NKAIN2: variants seen among roughly 807,000 people sequenced by gnomAD.
NKAIN2 encodes sodium/potassium transporting ATPase interacting 2.
Under a neutral mutation model 32.6 loss-of-function variants are expected in NKAIN2, and 14 were observed. That is an observed-to-expected ratio of 0.43 (90% confidence interval 0.28 to 0.67). The LOEUF is 0.67. Ranked by LOEUF, NKAIN2 falls within the 30% of genes least tolerant of loss-of-function variation. The pLI is 0.17. For synonymous variants in NKAIN2, 80 were observed against 87.2 expected (o/e 0.92, Z 0.46); for missense variants, 198 against 258.3 (o/e 0.77, Z 1.60).
intron 1 of NKAIN2, among the ~76,000 whole-genome samples, chr6:124,115,431 G>A (rs1785563466): frequency 2.6e-5 from 4 of 152,010 alleles, no homozygotes; most frequent in Admixed American, 1.3e-4. Context: ...GATTATGAGC[G>A]AAGTTCAAGC....
chr6:124,081,972 G>C (rs1783986164), intron 1 of NKAIN2, among the ~76,000 whole-genome samples: 1 of 152,008 alleles, frequency 6.6e-6, no homozygotes, highest in Non-Finnish European at 1.5e-5. Flanking sequence ...TAGAACAAAG[G>C]AGTAAATTCA....
rs1034912901 is a variant in NKAIN2 at position 124,789,982 on chromosome 6, G to C, written c.475-1357G>C. Among the ~76,000 whole-genome samples, 7 of 152,060 alleles carry C rather than the reference G, an allele frequency of 4.6e-5. No homozygotes were observed. In the South Asian group the frequency reaches 1.0e-3, roughly 23 times the overall value. ...GGGGTACGCCTTCCCTCTCCTCCAG[G>C]ATCTAAAAACAAAAGCGTTTGAAGA... On this transcript the variant is annotated intron_variant, in intron 4 of 6. Coordinates refer to ENST00000368417, the MANE Select transcript of NKAIN2 (RefSeq NM_001040214.3).
At chr6:124,459,069 A>G (rs1361367179) in intron 3 of NKAIN2, among the ~76,000 whole-genome samples, 1 of 151,906 alleles carries the variant, frequency 6.6e-6, no homozygotes, top group Non-Finnish European at 1.5e-5. Flanking sequence ...ACCAAAGGCA[A>G]GTATAATGTG....
chr6:123,992,477 G>C (rs566204229), intron 1 of NKAIN2, among the ~76,000 whole-genome samples: 2 of 152,120 alleles, frequency 1.3e-5, no homozygotes, highest in Non-Finnish European at 1.5e-5. Flanking sequence ...TAGAATGAAT[G>C]GATGAAAGTA....
chr6:124,035,609 G>T (rs905339688), intron 1 of NKAIN2, among the ~76,000 whole-genome samples: 4 of 151,904 alleles, frequency 2.6e-5, no homozygotes, highest in African/African-American at 9.7e-5. Flanking sequence ...CTATGACTTG[G>T]TCTAAATAAA....
At chr6:124,191,021 A>G (rs1026447553) in intron 1 of NKAIN2, among the ~76,000 whole-genome samples, 1 of 152,152 alleles carries the variant, frequency 6.6e-6, no homozygotes, top group Non-Finnish European at 1.5e-5. Context: ...TTGATGCCTC[A>G]TCACTCAAAG....
intron 1 of NKAIN2, among the ~76,000 whole-genome samples, chr6:124,266,850 G>C (rs1349025847): frequency 6.6e-6 from 1 of 152,132 alleles, no homozygotes; most frequent in East Asian, 1.9e-4. Context: ...ATATATAGAT[G>C]CACATACACA....
At chr6:124,674,151 A>T (rs1773245010) in intron 4 of NKAIN2, among the ~76,000 whole-genome samples, 1 of 151,968 alleles carries the variant, frequency 6.6e-6, no homozygotes, top group African/African-American at 2.4e-5. Flanking sequence ...GTCAAAAATC[A>T]TTTGACTGTA....
Position 124,260,899 on chromosome 6 carries a change from T to C in NKAIN2, c.55-22106T>C, listed in dbSNP as rs115960630. Among the ~76,000 whole-genome samples, 268 of 152,328 alleles carry C rather than the reference T, an allele frequency of 1.8e-3. 2 individuals carry two copies. Among genetic ancestry groups the C allele is most frequent in the African/African-American group, 6.4e-3 (264 of 41,572 alleles). On this transcript the variant is annotated intron_variant, in intron 1 of 6. Coordinates refer to ENST00000368417, the MANE Select transcript of NKAIN2 (RefSeq NM_001040214.3). ...GAATTTTGAGCAGTGAAATTCTAACTTCTACATTTGTACTTACATCCACTC... is the reference window on the plus strand; with the variant it reads ...GAATTTTGAGCAGTGAAATTCTAACCTCTACATTTGTACTTACATCCACTC...
intron 1 of NKAIN2, among the ~76,000 whole-genome samples, chr6:124,017,833 C>T (rs911949862): frequency 3.9e-5 from 6 of 152,054 alleles, no homozygotes; most frequent in African/African-American, 1.4e-4. Context: ...TGTGGCTTTT[C>T]CAGGTGCACA....
At chr6:124,279,668 T>C (rs1582979875) in intron 1 of NKAIN2, among the ~76,000 whole-genome samples, 1 of 152,114 alleles carries the variant, frequency 6.6e-6, no homozygotes, top group Non-Finnish European at 1.5e-5. Context: ...AATTTTATTT[T>C]GTTTAAATTT....
intron 2 of NKAIN2, among the ~76,000 whole-genome samples, chr6:124,338,378 G>C (rs768704599): frequency 5.9e-5 from 9 of 151,578 alleles, no homozygotes; most frequent in Non-Finnish European, 1.2e-4. Flanking sequence ...GTGTAGAGCT[G>C]CTACTTGGTT....
At chr6:123,888,082 A>G (rs1306716102) in intron 1 of NKAIN2, among the ~76,000 whole-genome samples, 3 of 152,158 alleles carry the variant, frequency 2.0e-5, no homozygotes, top group Non-Finnish European at 4.4e-5. Flanking sequence ...ATAAATATAA[A>G]TATCTAGAGT....
At chr6:124,560,273 A>T (rs921027859) in intron 3 of NKAIN2, among the ~76,000 whole-genome samples, 1 of 152,018 alleles carries the variant, frequency 6.6e-6, no homozygotes, top group Non-Finnish European at 1.5e-5. Flanking sequence ...TTTATAAGGG[A>T]CTTTTCCCCT....
intron 4 of NKAIN2, among the ~76,000 whole-genome samples, chr6:124,710,046 GT>G (rs1233488786): frequency 6.6e-6 from 1 of 151,896 alleles, no homozygotes; most frequent in Non-Finnish European, 1.5e-5. Flanking sequence ...GTTCTCGTTG[GT>G]TTCAAAGAAC....
chr6:124,637,748 TA>T (rs1158747240), intron 3 of NKAIN2, among the ~76,000 whole-genome samples: 2 of 152,004 alleles, frequency 1.3e-5, no homozygotes, highest in Non-Finnish European at 2.9e-5. Context: ...AACACCGATT[TA>T]AAAAATTAAA....
chr6:124,578,860 A>G (rs1054039098), intron 3 of NKAIN2, among the ~76,000 whole-genome samples: 14 of 152,086 alleles, frequency 9.2e-5, no homozygotes, highest in African/African-American at 2.7e-4. Context: ...CTCAGCGCAG[A>G]AAGAGACAGA....
chr6:123,909,873 G>A (rs1340443091), intron 1 of NKAIN2, among the ~76,000 whole-genome samples: 1 of 152,134 alleles, frequency 6.6e-6, no homozygotes, highest in Non-Finnish European at 1.5e-5. Flanking sequence ...ACAGCAATTA[G>A]CACGTAAGTG....
intron 1 of NKAIN2, among the ~76,000 whole-genome samples, chr6:123,872,129 T>A (rs1222677423): frequency 6.6e-6 from 1 of 152,212 alleles, no homozygotes; most frequent in Non-Finnish European, 1.5e-5. Flanking sequence ...TCATATTTTA[T>A]TTTGCTTCTA....
Sources: gnomAD v4.1 joint callset for allele counts (sites outside exome capture counted in the v4.1 genomes callset) on GRCh38, gnomAD v4.1.1 for gene constraint, MANE v1.5 for transcripts, NCBI Gene and HGNC (gene_info 2026-07-23, HGNC 2026-07-21) for gene names.